PRKCE: variants seen among roughly 807,000 people sequenced by gnomAD.
The protein encoded by PRKCE is protein kinase C epsilon type.
PRKCE carries 16 observed loss-of-function variants against 85.4 expected under a neutral mutation model. The observed-to-expected ratio is 0.19, with a 90% CI of 0.13 to 0.28. The LOEUF (loss-of-function observed/expected upper bound fraction) is 0.28, where lower values mean the gene tolerates loss of function less well. Among genes scored for constraint, PRKCE ranks in the 10% least tolerant of loss-of-function variants. The pLI is 1.00. For synonymous variants in PRKCE, 388 were observed against 371.5 expected (o/e 1.04, Z -0.51); for missense variants, 573 against 975.2 (o/e 0.59, Z 5.49).
At chr2:45,888,812 C>T (rs1695495303) in intron 2 of PRKCE, among the ~76,000 whole-genome samples, 1 of 152,174 alleles carries the variant, frequency 6.6e-6, no homozygotes, top group Non-Finnish European at 1.5e-5. Context: ...TGTCTGATTT[C>T]CAGGGAGTTA....
chr2:45,980,335 T>C lies in PRKCE; in HGVS notation c.647T>C (p.Ile216Thr), dbSNP rs1273011220. ...GTCCACAAGCGGTGCCACGAGCTCA[T>C]AATCACAAAGTGTGCTGGGTTAAAG... ...CVVHKRCHELIITKCAGLKKQ... is the reference protein window; with the variant it reads ...CVVHKRCHELTITKCAGLKKQ... The change falls in exon 5 of 15, where the codon ATA becomes ACA. Residue 216 changes from isoleucine (I) to threonine (T), a missense_variant. Ile to Thr is a moderately conservative substitution (Grantham distance 89). Around this residue, in one of 11 missense-constraint regions of PRKCE, gnomAD observed 29 missense variants for 96.2 expected, o/e 0.30. Coordinates refer to ENST00000306156, the MANE Select transcript of PRKCE (RefSeq NM_005400.3). 1 of 1,599,678 alleles carries C rather than the reference T, an allele frequency of 6.3e-7. No homozygotes were observed. Among genetic ancestry groups the C allele is most frequent in the South Asian group, 1.1e-5 (1 of 91,076 alleles).
chr2:45,792,585 G>C (rs1307511020), intron 1 of PRKCE, among the ~76,000 whole-genome samples: 1 of 152,028 alleles, frequency 6.6e-6, no homozygotes, highest in African/African-American at 2.4e-5. Context: ...CTGCTGCCTG[G>C]TGCTCAAGTT....
At chr2:46,005,323 C>A (rs1418735101) in intron 8 of PRKCE, among the ~76,000 whole-genome samples, 1 of 152,184 alleles carries the variant, frequency 6.6e-6, no homozygotes, top group African/African-American at 2.4e-5. Context: ...GGGACTTACA[C>A]TTGCAAAACC....
intron 6 of PRKCE, among the ~76,000 whole-genome samples, chr2:45,995,277 G>A (rs1704124533): frequency 6.6e-6 from 1 of 151,918 alleles, no homozygotes; most frequent in South Asian, 2.1e-4. Flanking sequence ...GGTTTTGTTT[G>A]TTTTTTGTTT....
At chr2:46,069,542 A>T (rs1667897823) in intron 10 of PRKCE, among the ~76,000 whole-genome samples, 1 of 152,210 alleles carries the variant, frequency 6.6e-6, no homozygotes, top group Admixed American at 6.5e-5. Context: ...TTTTGATTCC[A>T]TTCATTTATC....
At chr2:45,822,349 C>A (rs1689599708) in intron 1 of PRKCE, among the ~76,000 whole-genome samples, 1 of 152,156 alleles carries the variant, frequency 6.6e-6, no homozygotes, top group Non-Finnish European at 1.5e-5. Context: ...GTGCTGTGGG[C>A]TCTTGGGAGA....
intron 14 of PRKCE, among the ~76,000 whole-genome samples, chr2:46,167,493 G>C (rs1266425068): frequency 6.6e-6 from 1 of 152,176 alleles, no homozygotes; most frequent in Non-Finnish European, 1.5e-5. Context: ...GTTCAGATGA[G>C]GGGATGGCAC....
chr2:46,007,748 C>A (rs1705330223), intron 9 of PRKCE, 87 bp downstream of exon 9: 10 of 1,384,396 alleles, frequency 7.2e-6, no homozygotes, highest in Non-Finnish European at 9.8e-6. Flanking sequence ...GAGAGAGGAA[C>A]CTTTCAGCCT....
At chr2:46,126,514 A>T (rs1253569004) in intron 11 of PRKCE, among the ~76,000 whole-genome samples, 1 of 152,180 alleles carries the variant, frequency 6.6e-6, no homozygotes, top group East Asian at 1.9e-4. Flanking sequence ...GCATTGGCGG[A>T]TGCTGTTACA....
At chr2:45,722,610 C>T (rs139708110) in intron 1 of PRKCE, among the ~76,000 whole-genome samples, 19 of 152,318 alleles carry the variant, frequency 1.2e-4, no homozygotes, top group African/African-American at 4.6e-4. Context: ...GCAGATAGGT[C>T]ACCATCCTTT....
intron 11 of PRKCE, among the ~76,000 whole-genome samples, chr2:46,137,106 G>A (rs1675077673): frequency 6.6e-6 from 1 of 152,180 alleles, no homozygotes; most frequent in Non-Finnish European, 1.5e-5. Context: ...CAGGCACTGT[G>A]CTAGCACTTT....
At chr2:46,071,279 G>C (rs566958656) in intron 10 of PRKCE, among the ~76,000 whole-genome samples, 12 of 152,244 alleles carry the variant, frequency 7.9e-5, no homozygotes, top group Admixed American at 4.6e-4. Flanking sequence ...ATATGTACTA[G>C]TCAGCTGATT....
At chr2:45,827,267 A>G (rs1275442717) in intron 1 of PRKCE, among the ~76,000 whole-genome samples, 6 of 152,266 alleles carry the variant, frequency 3.9e-5, no homozygotes, top group Non-Finnish European at 2.9e-5. Flanking sequence ...CCTGGATCAA[A>G]GATGATACAA....
chr2:45,754,992 C>T (rs1012978992), intron 1 of PRKCE, among the ~76,000 whole-genome samples: 12 of 152,198 alleles, frequency 7.9e-5, no homozygotes, highest in African/African-American at 2.4e-4. Context: ...AGCAAGACTA[C>T]GGCGTAGATA....
intron 2 of PRKCE, among the ~76,000 whole-genome samples, chr2:45,885,018 T>TTGTTGA (rs1695193537): frequency 7.6e-6 from 1 of 131,620 alleles, no homozygotes; most frequent in Non-Finnish European, 1.6e-5. Flanking sequence ...GTTGTTGTTG[T>TTGTTGA]TGTTTTACCA....
At chr2:45,931,455 T>A (rs993626989) in intron 2 of PRKCE, among the ~76,000 whole-genome samples, 3 of 152,206 alleles carry the variant, frequency 2.0e-5, no homozygotes, top group African/African-American at 7.2e-5. Context: ...CTTTCTGGTG[T>A]CATCAGTTCA....
intron 14 of PRKCE, among the ~76,000 whole-genome samples, chr2:46,165,210 T>C (rs528110598): frequency 1.4e-4 from 21 of 152,332 alleles, no homozygotes; most frequent in Admixed American, 6.5e-4. Flanking sequence ...GTGGAGACTT[T>C]CCTGTCTTTC....
intron 14 of PRKCE, among the ~76,000 whole-genome samples, chr2:46,165,300 A>G (rs1574646634): frequency 6.6e-6 from 1 of 152,216 alleles, no homozygotes; most frequent in East Asian, 1.9e-4. Context: ...GTCCACCCAC[A>G]TAATGAACTG....
At chr2:45,983,668 T>C (rs902054669) in intron 5 of PRKCE, among the ~76,000 whole-genome samples, 32 of 152,136 alleles carry the variant, frequency 2.1e-4, no homozygotes, top group African/African-American at 7.0e-4. Flanking sequence ...GCGGTAACCA[T>C]GGACTGCCCT....
Sources: allele counts gnomAD v4.1 joint callset (sites outside exome capture counted in the v4.1 genomes callset), GRCh38; gene constraint gnomAD v4.1.1; regional missense constraint gnomAD v4.1.1; transcripts MANE v1.5; gene names NCBI Gene and HGNC (gene_info 2026-07-23, HGNC 2026-07-21).